ELAVL4: variants seen among roughly 807,000 people sequenced by gnomAD.
ELAVL4 encodes ELAV-like protein 4.
ELAVL4 carries 1 observed loss-of-function variant against 35.6 expected under a neutral mutation model. The ratio of observed to expected loss-of-function variants is 0.03; its 90% confidence interval spans 0.01 to 0.13. ELAVL4 has a LOEUF of 0.13. Ranked by LOEUF, ELAVL4 falls within the 10% of genes least tolerant of loss-of-function variation. ELAVL4 has a pLI of 1.00. For missense variants in ELAVL4, 267 were observed against 464.9 expected, an observed-to-expected ratio of 0.57 and a Z score of 3.91; for synonymous variants, 156 against 171.0, an observed-to-expected ratio of 0.91 and a Z score of 0.69.
chr1:50,061,059 T>C (rs1357254747), intron 1 of ELAVL4, among the ~76,000 whole-genome samples: 1 of 152,246 alleles, frequency 6.6e-6, no homozygotes, highest in Non-Finnish European at 1.5e-5. Flanking sequence ...CTTGAGATTG[T>C]AATATCAATC....
intron 1 of ELAVL4, among the ~76,000 whole-genome samples, chr1:50,065,047 G>A (rs1003767471): frequency 1.3e-5 from 2 of 152,132 alleles, no homozygotes; most frequent in African/African-American, 2.4e-5. Flanking sequence ...AGAACCTGGA[G>A]ACCATTCAGA....
chr1:50,131,962 C>A (rs927676819), intron 1 of ELAVL4, among the ~76,000 whole-genome samples: 65 of 151,362 alleles, frequency 4.3e-4, no homozygotes, highest in African/African-American at 1.6e-3. Context: ...GATTTGGCAC[C>A]CATTTTCCTA....
upstream of ELAVL4, chr1:50,103,867 C>T (rs1016397366): frequency 6.3e-7 from 1 of 1,577,200 alleles, no homozygotes; most frequent in African/African-American, 1.3e-5. Flanking sequence ...AGGAAAAGGT[C>T]TGCAGCTGTG....
intron 1 of ELAVL4, among the ~76,000 whole-genome samples, chr1:50,087,753 A>G (rs1013326945): frequency 1.3e-5 from 2 of 152,174 alleles, no homozygotes; most frequent in Admixed American, 6.5e-5. Context: ...GAAGAGAGAG[A>G]TCTTTCTCTC....
intron 2 of ELAVL4, among the ~76,000 whole-genome samples, chr1:50,160,591 G>A (rs1676627993): frequency 1.3e-5 from 2 of 152,154 alleles, no homozygotes; most frequent in African/African-American, 4.8e-5. Context: ...ACAGATATTA[G>A]TGGTAGATCC....
intron 1 of ELAVL4, among the ~76,000 whole-genome samples, chr1:50,124,101 A>G (rs1669486686): frequency 6.6e-6 from 1 of 152,068 alleles, no homozygotes; most frequent in Non-Finnish European, 1.5e-5. Context: ...TATGAGTGGG[A>G]TATTGGACCC....
chr1:50,129,342 G>T (rs1012489069), intron 1 of ELAVL4, among the ~76,000 whole-genome samples: 2 of 152,120 alleles, frequency 1.3e-5, no homozygotes, highest in African/African-American at 4.8e-5. Flanking sequence ...CTTCCACCCT[G>T]AGTTTCCTTG....
intron 1 of ELAVL4, among the ~76,000 whole-genome samples, chr1:50,087,267 G>A (rs1206587870): frequency 6.6e-6 from 1 of 152,102 alleles, no homozygotes; most frequent in Non-Finnish European, 1.5e-5. Flanking sequence ...AATATAATGA[G>A]GAAGCAGAGA....
At chr1:50,181,365 G>A (rs1680993058) in intron 3 of ELAVL4, 1 of 152,218 alleles carries the variant, frequency 6.6e-6, no homozygotes, top group African/African-American at 2.4e-5. Flanking sequence ...ATCAACCTAG[G>A]GACAGACCTG....
chr1:50,058,253 T>G (rs1663781318), intron 1 of ELAVL4, among the ~76,000 whole-genome samples: 1 of 152,178 alleles, frequency 6.6e-6, no homozygotes, highest in African/African-American at 2.4e-5. Context: ...GAGAACAGAT[T>G]TAAATTTACA....
chr1:50,156,788 C>T (rs779314439), intron 2 of ELAVL4, among the ~76,000 whole-genome samples: 14 of 152,118 alleles, frequency 9.2e-5, no homozygotes, highest in Non-Finnish European at 1.5e-4. Context: ...CCAGCTGGGA[C>T]GAGAGACCTT....
intron 5 of ELAVL4, 38 bp from the exon 6 acceptor site, chr1:50,197,391 G>A (rs1273302291): frequency 1.3e-6 from 2 of 1,558,824 alleles, no homozygotes; most frequent in Non-Finnish European, 1.7e-6. Flanking sequence ...CTTGCCATCT[G>A]TGAGGCATTA....
intron 1 of ELAVL4, among the ~76,000 whole-genome samples, chr1:50,079,694 C>T (rs932171519): frequency 6.6e-6 from 1 of 152,136 alleles, no homozygotes; most frequent in Non-Finnish European, 1.5e-5. Flanking sequence ...AGTTGGTTAA[C>T]CCAGTTACTC....
intron 1 of ELAVL4, among the ~76,000 whole-genome samples, chr1:50,052,714 T>C (rs527843508): frequency 6.6e-6 from 1 of 152,350 alleles, no homozygotes; most frequent in East Asian, 1.9e-4. Flanking sequence ...AATCAGAGTC[T>C]GGCAATAGTT....
intron 2 of ELAVL4, chr1:50,175,381 C>A (rs914616182): frequency 9.4e-6 from 1 of 106,728 alleles, no homozygotes; most frequent in Non-Finnish European, 2.1e-5. Context: ...CTGCCCCCAC[C>A]ACACGTACAC....
intron 1 of ELAVL4, among the ~76,000 whole-genome samples, chr1:50,072,352 G>A (rs1664568768): frequency 6.6e-6 from 1 of 152,172 alleles, no homozygotes; most frequent in African/African-American, 2.4e-5. Flanking sequence ...TGTAGGCTGG[G>A]TAATTCATGG....
intron 1 of ELAVL4, among the ~76,000 whole-genome samples, chr1:50,090,663 C>T (rs1039643598): frequency 1.3e-5 from 2 of 152,124 alleles, no homozygotes; most frequent in Non-Finnish European, 2.9e-5. Flanking sequence ...TCCTTTAGGG[C>T]CTCAGAGTTC....
intron 1 of ELAVL4, among the ~76,000 whole-genome samples, chr1:50,118,485 C>T (rs192126594): frequency 5.0e-4 from 57 of 113,846 alleles, no homozygotes; most frequent in African/African-American, 2.6e-3. Flanking sequence ...ATTACCCTCC[C>T]ATTTGAAGGA....
intron 5 of ELAVL4, among the ~76,000 whole-genome samples, chr1:50,196,242 AG>A (rs1256658636): frequency 3.9e-5 from 6 of 151,922 alleles, no homozygotes; most frequent in Non-Finnish European, 1.5e-5. Flanking sequence ...AGTTCAGGGG[AG>A]GGGGAAGTGC....
Sources: allele counts gnomAD v4.1 joint callset (sites outside exome capture counted in the v4.1 genomes callset), GRCh38; gene constraint gnomAD v4.1.1; transcripts MANE v1.5; gene names NCBI Gene and HGNC (gene_info 2026-07-23, HGNC 2026-07-21).